NUP58: variants seen among roughly 807,000 people sequenced by gnomAD.
NUP58 encodes the protein nucleoporin 58.
NUP58 carries 17 observed loss-of-function variants against 70.1 expected under a neutral mutation model. The ratio of observed to expected loss-of-function variants is 0.24; its 90% CI spans 0.17 to 0.36. The LOEUF (loss-of-function observed/expected upper bound fraction) is 0.36, where lower values mean the gene tolerates loss of function less well. NUP58 is among the 10% of genes least tolerant of loss of function. NUP58 has a pLI of 1.00. For synonymous variants in NUP58, 275 were observed against 257.6 expected (o/e 1.07, Z -0.65); for missense variants, 644 against 701.5 (o/e 0.92, Z 0.93).
chr13:25,335,908 T>C, intron 13 of NUP58: 1 of 1,101,222 alleles, frequency 9.1e-7, no homozygotes, highest in Non-Finnish European at 1.1e-6. Context: ...ATGAAGTTTA[T>C]TGAATAATTT....
chr13:25,317,179 G>A (rs1284105989), intron 6 of NUP58, among the ~76,000 whole-genome samples: 9 of 152,160 alleles, frequency 5.9e-5, no homozygotes, highest in Admixed American at 5.2e-4. Flanking sequence ...TGAGACTAGA[G>A]ATGAGAAGGA....
intron 13 of NUP58, chr13:25,335,869 T>A (rs1300891760): frequency 2.9e-5 from 31 of 1,062,964 alleles, no homozygotes; most frequent in Non-Finnish European, 3.4e-5. Flanking sequence ...ATCACTGTGC[T>A]TGAAAAAGAC....
intron 13 of NUP58, chr13:25,332,286 T>G: frequency 3.0e-6 from 3 of 985,476 alleles, no homozygotes; most frequent in Non-Finnish European, 3.6e-6. Flanking sequence ...TAGTTACACT[T>G]CTAATTAGAG....
chr13:25,313,116 C>T (rs1001420037), intron 4 of NUP58, 84 bp downstream of exon 4: 211 of 1,431,912 alleles, frequency 1.5e-4, no homozygotes, highest in Non-Finnish European at 1.8e-5. Flanking sequence ...CACCTTACTA[C>T]AGAAATTATT....
At chr13:25,336,909 C>A (rs1483877355) in intron 13 of NUP58, 27 bp from the exon 14 acceptor site, 2 of 1,258,242 alleles carry the variant, frequency 1.6e-6, no homozygotes, top group Non-Finnish European at 2.2e-6. Flanking sequence ...TTTTTTCCCC[C>A]CCATTTTTTT....
chr13:25,319,445 A>G, intron 7 of NUP58, 95 bp downstream of exon 7: 1 of 1,208,806 alleles, frequency 8.3e-7, no homozygotes, highest in Non-Finnish European at 1.2e-6. Flanking sequence ...AATATCATAT[A>G]CATTTAGGAG....
chr13:25,312,730 T>C (rs2030729734), intron 3 of NUP58, among the ~76,000 whole-genome samples, 153 bp from the exon 4 acceptor site: 1 of 152,234 alleles, frequency 6.6e-6, no homozygotes, highest in South Asian at 2.1e-4. Flanking sequence ...TCTCAACTTT[T>C]ACATATTTTC....
chr13:25,302,931 A>G (rs1299158499), intron 1 of NUP58: 2 of 455,970 alleles, frequency 4.4e-6, no homozygotes, highest in South Asian at 3.1e-5. Flanking sequence ...TTCCAGTTCC[A>G]CAACCCTGCT....
At position 25,326,179 on chromosome 13, in the gene NUP58, A is replaced by C. The variant is rs143074902; in HGVS notation, c.1032-737A>C. ...TGATATTCGTCTTACTCAGGTTGGC[A>C]TGAGATGTGCTTCCTCACTGGACTT... On this transcript the variant is annotated intron_variant, in intron 10 of 15. Coordinates refer to ENST00000381736, the MANE Select transcript of NUP58 (RefSeq NM_014089.4). Among the ~76,000 whole-genome samples the C allele has an allele frequency of 3.7e-3, 569 of 152,330 alleles. 8 individuals are homozygous for C. Among genetic ancestry groups the C allele is most frequent in the African/African-American group, 0.013 (546 of 41,578 alleles).
At position 25,342,049 on chromosome 13, in the gene NUP58, A is replaced by G. The variant is rs551366296; in HGVS notation, c.*1915A>G. 2.6e-4 allele frequency: 39 copies of G among 152,148 alleles called. 1 individual carries two copies. Among genetic ancestry groups the G allele is most frequent in the African/African-American group, 8.7e-4 (36 of 41,394 alleles). The allele number at this position is 152,148 out of a possible 1,614,324, so 9.4% of individuals were successfully genotyped here. ...TTTTGCGCATTGATGCATTGAAATA[A>G]GGAAAATTATTTATCTCTGAGCACT... is the stretch of plus-strand genomic sequence containing the variant. On this transcript the variant is annotated 3_prime_UTR_variant, in exon 16 of 16. Transcript: ENST00000381736.
At chr13:25,308,981 T>C (rs1200278400) in intron 2 of NUP58, among the ~76,000 whole-genome samples, 1 of 152,256 alleles carries the variant, frequency 6.6e-6, no homozygotes, top group East Asian at 1.9e-4. Flanking sequence ...GTTGCTTTTT[T>C]TGGTCTTGCT....
downstream of NUP58, among the ~76,000 whole-genome samples, chr13:25,343,858 C>T (rs2032015334): frequency 7.3e-6 from 1 of 136,396 alleles, no homozygotes; most frequent in South Asian, 2.5e-4. Context: ...CACACACATA[C>T]ATACACACAC....
At position 25,320,151 on chromosome 13, in the gene NUP58, T is replaced by C. The variant is rs73470447; in HGVS notation, c.711-379T>C. The C allele has an allele frequency of 5.7e-3, 917 of 161,316 alleles. 11 individuals carry two copies. Among genetic ancestry groups the C allele is most frequent in the African/African-American group, 0.02 (845 of 41,738 alleles). 10.0% of individuals were successfully genotyped at this position (161,316 alleles called of 1,614,324 possible). A position where few individuals can be genotyped will look rare whatever the true frequency, so the allele number is the denominator to read the frequency against. The stretch of plus-strand genomic sequence containing the variant: ...TGTAGACTTTCTTTAATGAATACAT[T>C]AATATTTTGGAATGGAATAAATTGT... On this transcript the variant is annotated intron_variant, in intron 7 of 15. Coordinates refer to ENST00000381736, the MANE Select transcript of NUP58 (RefSeq NM_014089.4).
chr13:25,333,408 G>A (rs2031676660), intron 13 of NUP58: 1 of 985,198 alleles, frequency 1.0e-6, no homozygotes, highest in Non-Finnish European at 1.2e-6. Flanking sequence ...CAGGCTTTGG[G>A]GAAATTGACT....
chr13:25,320,678 T>C (rs547602644), intron 8 of NUP58, 83 bp downstream of exon 8: 1 of 1,057,228 alleles, frequency 9.5e-7, no homozygotes, highest in East Asian at 2.5e-5. Flanking sequence ...CCTCCTAAAA[T>C]CGCATCCTAG....
intron 11 of NUP58, 79 bp from the exon 12 acceptor site, chr13:25,327,351 T>C: frequency 1.1e-6 from 1 of 905,148 alleles, no homozygotes; most frequent in Middle Eastern, 3.5e-4. Flanking sequence ...TGCCAAAAAT[T>C]GGACTCAAAT....
intron 2 of NUP58, 106 bp from the exon 3 acceptor site, chr13:25,309,141 G>A: frequency 1.3e-6 from 1 of 797,122 alleles, no homozygotes; most frequent in Admixed American, 2.1e-5. Context: ...AATTAGAAGT[G>A]TTGTCACTCC....
At chr13:25,302,964 C>T (rs780911070) in intron 1 of NUP58, 25 of 456,572 alleles carry the variant, frequency 5.5e-5, no homozygotes, top group Non-Finnish European at 1.3e-5. Context: ...ATTCGTGGAA[C>T]AAATATTTAT....
intron 13 of NUP58, chr13:25,336,311 C>A: frequency 8.2e-7 from 1 of 1,217,362 alleles, no homozygotes; most frequent in African/African-American, 1.5e-5. Flanking sequence ...AATTGATTTG[C>A]TTTACAATGA....
Sources: gnomAD v4.1 joint callset for allele counts (sites outside exome capture counted in the v4.1 genomes callset) on GRCh38, gnomAD v4.1.1 for gene constraint, MANE v1.5 for transcripts, NCBI Gene and HGNC (gene_info 2026-07-23, HGNC 2026-07-21) for gene names.